Variants in CTNND2 observed in about 807,000 individuals in gnomAD.
CTNND2 encodes catenin delta 2, also known as catenin delta-2.
A neutral mutation model predicts 144.4 loss-of-function variants in CTNND2; 22 were observed. That is an observed-to-expected ratio of 0.15 (90% CI 0.11 to 0.22). The LOEUF (loss-of-function observed/expected upper bound fraction) is 0.22, where lower values mean the gene tolerates loss of function less well. Among genes scored for constraint, CTNND2 ranks in the 10% least tolerant of loss-of-function variants. CTNND2 has a pLI of 1.00. For synonymous variants in CTNND2, 751 were observed against 695.6 expected (o/e 1.08, Z -1.25); for missense variants, 1,353 against 1,618.8 (o/e 0.84, Z 2.82).
chr5:11,546,878 G>A (rs1775281846), intron 3 of CTNND2, among the ~76,000 whole-genome samples: 1 of 152,098 alleles, frequency 6.6e-6, no homozygotes, highest in African/African-American at 2.4e-5. Context: ...ACAAATGACA[G>A]TCTGCTCAAC....
At chr5:11,249,113 T>C (rs951536117) in intron 9 of CTNND2, among the ~76,000 whole-genome samples, 17 of 152,222 alleles carry the variant, frequency 1.1e-4, no homozygotes, top group African/African-American at 3.6e-4. Flanking sequence ...GGGAGCAGAA[T>C]TATCTACCAG....
chr5:11,107,996 GC>G (rs1465281813), intron 14 of CTNND2, among the ~76,000 whole-genome samples: 1 of 152,178 alleles, frequency 6.6e-6, no homozygotes, highest in Non-Finnish European at 1.5e-5. Context: ...AGAGTCCTTT[GC>G]CCCAGAAAAT....
rs79664900 is a variant in CTNND2 at position 11,240,271 on chromosome 5, C to T, written c.1629-3448G>A. ...CACTCACACACCCAACACACACACA[C>T]CCAACACACACACACTCAAACACAC... On this transcript the variant is annotated intron_variant, in intron 9 of 21. Coordinates refer to ENST00000304623, the MANE Select transcript of CTNND2 (RefSeq NM_001332.4). Among the ~76,000 whole-genome samples the T allele has an allele frequency of 2.6e-3, 334 of 130,802 alleles. 2 individuals are homozygous for T. Among genetic ancestry groups the T allele is most frequent in the African/African-American group, 9.4e-3 (325 of 34,704 alleles). The allele number at this position is 130,802 out of a possible 152,430, so 85.8% of individuals were successfully genotyped here.
intron 1 of CTNND2, among the ~76,000 whole-genome samples, chr5:11,808,649 C>A (rs1183112527): frequency 6.6e-6 from 1 of 152,136 alleles, no homozygotes; most frequent in Non-Finnish European, 1.5e-5. Flanking sequence ...CCTGCATCTG[C>A]TTTCTTTCTT....
chr5:11,852,489 TG>T (rs1795060849), intron 1 of CTNND2, among the ~76,000 whole-genome samples: 1 of 152,004 alleles, frequency 6.6e-6, no homozygotes, highest in African/African-American at 2.4e-5. Context: ...ACATAACATT[TG>T]GGGGCACTTG....
chr5:11,082,186 G>C (rs986172030), intron 16 of CTNND2, among the ~76,000 whole-genome samples: 2 of 152,204 alleles, frequency 1.3e-5, no homozygotes, highest in Non-Finnish European at 2.9e-5. Context: ...CAGGCCATGA[G>C]TTTTGTTGAA....
chr5:11,421,201 A>T (rs1581159002), intron 3 of CTNND2, among the ~76,000 whole-genome samples: 2 of 152,170 alleles, frequency 1.3e-5, no homozygotes, highest in East Asian at 3.8e-4. Context: ...ACTGGAGGAA[A>T]CCATAAAAGG....
intron 1 of CTNND2, among the ~76,000 whole-genome samples, chr5:11,796,479 C>T (rs1350569801): frequency 6.6e-6 from 1 of 152,184 alleles, no homozygotes; most frequent in Non-Finnish European, 1.5e-5. Context: ...TAGCATAATC[C>T]TATCAAGAAT....
intron 2 of CTNND2, among the ~76,000 whole-genome samples, chr5:11,593,319 A>G (rs1170523890): frequency 6.6e-6 from 1 of 152,220 alleles, no homozygotes; most frequent in South Asian, 2.1e-4. Flanking sequence ...CTTTCTCTGT[A>G]TATGTGTTAA....
chr5:11,038,031 A>G (rs1744270357), intron 16 of CTNND2, among the ~76,000 whole-genome samples: 1 of 152,194 alleles, frequency 6.6e-6, no homozygotes, highest in Non-Finnish European at 1.5e-5. Context: ...GAGTAAATCA[A>G]ATCTGTGATA....
At chr5:11,644,787 T>A (rs765413400) in intron 2 of CTNND2, among the ~76,000 whole-genome samples, 1 of 152,062 alleles carries the variant, frequency 6.6e-6, no homozygotes, top group Non-Finnish European at 1.5e-5. Context: ...GGTCATAAAA[T>A]TGAACAATTG....
chr5:11,492,545 G>A (rs1769514791), intron 3 of CTNND2, among the ~76,000 whole-genome samples: 1 of 150,782 alleles, frequency 6.6e-6, no homozygotes, highest in Admixed American at 6.6e-5. Context: ...GTATGTGTGT[G>A]TATCTGGACT....
intron 12 of CTNND2, among the ~76,000 whole-genome samples, chr5:11,155,220 G>T (rs549644312): frequency 6.6e-6 from 1 of 152,300 alleles, no homozygotes; most frequent in Admixed American, 6.5e-5. Context: ...AGCGGCCACA[G>T]GTTAAGAGAT....
At chr5:11,336,739 G>A (rs1471030785) in intron 9 of CTNND2, among the ~76,000 whole-genome samples, 1 of 152,052 alleles carries the variant, frequency 6.6e-6, no homozygotes, top group Non-Finnish European at 1.5e-5. Flanking sequence ...ATGCCACATA[G>A]ACAAATTATG....
chr5:11,044,505 A>G lies in CTNND2; in HGVS notation c.2789-21526T>C, dbSNP rs1745013690. Among the ~76,000 whole-genome samples, 3 of 147,688 alleles carry G rather than the reference A, an allele frequency of 2.0e-5. No individual in the cohort carries two copies. In the Admixed American group the frequency reaches 2.0e-4, roughly 10 times the overall value. On this transcript the variant is annotated intron_variant, in intron 16 of 21. Coordinates refer to ENST00000304623, the MANE Select transcript of CTNND2 (RefSeq NM_001332.4). Reference sequence around the variant, plus strand: ...GCAGTCCCTCCTACCCTATTTTCAAAGTGAGTAGAAACAACACATGCTTGC... The same window carrying G: ...GCAGTCCCTCCTACCCTATTTTCAAGGTGAGTAGAAACAACACATGCTTGC...
At chr5:11,188,060 T>C (rs1259481642) in intron 11 of CTNND2, among the ~76,000 whole-genome samples, 1 of 152,186 alleles carries the variant, frequency 6.6e-6, no homozygotes, top group Admixed American at 6.5e-5. Context: ...CATGAAGACC[T>C]GGAACCAGAA....
At chr5:11,352,932 T>A (rs1446640036) in intron 8 of CTNND2, among the ~76,000 whole-genome samples, 8 of 152,200 alleles carry the variant, frequency 5.3e-5, no homozygotes, top group Non-Finnish European at 1.2e-4. Context: ...TAATCCCATG[T>A]TTAATCCTAC....
chr5:11,803,179 G>A (rs532607270), intron 1 of CTNND2, among the ~76,000 whole-genome samples: 1 of 152,204 alleles, frequency 6.6e-6, no homozygotes, highest in East Asian at 1.9e-4. Flanking sequence ...AATTAGCTGG[G>A]CATGGTGGCG....
chr5:10,991,113 G>C (rs1738626736), intron 19 of CTNND2, among the ~76,000 whole-genome samples: 1 of 152,228 alleles, frequency 6.6e-6, no homozygotes, highest in Non-Finnish European at 1.5e-5. Context: ...TCGTCACCCA[G>C]GGTTGGACTA....
Sources: gnomAD v4.1 joint callset for allele counts (sites outside exome capture counted in the v4.1 genomes callset) on GRCh38, gnomAD v4.1.1 for gene constraint, MANE v1.5 for transcripts, NCBI Gene and HGNC (gene_info 2026-07-23, HGNC 2026-07-21) for gene names.